The following CNTLN variants were observed in gnomAD, a reference collection of about 807,000 sequenced individuals.
CNTLN encodes centlein.
A neutral mutation model predicts 180.0 loss-of-function variants in CNTLN; 212 were observed. The ratio of observed to expected loss-of-function variants is 1.18; its 90% CI spans 1.05 to 1.32. The LOEUF (loss-of-function observed/expected upper bound fraction) is 1.32. CNTLN is among the 40% of genes most tolerant of loss of function. The pLI is 0.00. For missense variants in CNTLN, 2,095 were observed against 1,610.9 expected (o/e 1.30, Z -5.14); for synonymous variants, 722 against 563.1 (o/e 1.28, Z -3.99).
chr9:17,440,830 C>G (rs770344136), intron 18 of CNTLN, among the ~76,000 whole-genome samples: 8 of 151,922 alleles, frequency 5.3e-5, no homozygotes, highest in Non-Finnish European at 1.2e-4. Context: ...GTGGAAGAAG[C>G]TAATAATAAA....
In CNTLN at chr9:17,155,464, C is replaced by T. The variant is rs530364407; in HGVS notation, c.449+12088C>T. 3.3e-5 allele frequency among the ~76,000 whole-genome samples: 5 copies of T among 152,304 alleles called. No homozygotes were observed. The East Asian group carries it at 9.7e-4, about 30-fold the overall frequency. On this transcript the variant is annotated intron_variant, in intron 2 of 25. Transcript: ENST00000380647. The stretch of plus-strand genomic sequence containing the variant: ...TGCCTTTTTTATAGAGATGCCCTTT[C>T]CAGAGAGGAGCAATCTGGCAGTCTG...
At chr9:17,267,414 C>T (rs200127573) in intron 5 of CNTLN, among the ~76,000 whole-genome samples, 6 of 152,088 alleles carry the variant, frequency 3.9e-5, no homozygotes, top group African/African-American at 1.4e-4. Flanking sequence ...CTCCGCTGTT[C>T]GTCTGATGGG....
the CNTLN span, among the ~76,000 whole-genome samples, chr9:17,521,265 A>AGAGAGAGAGAGAG: frequency 2.6e-4 from 31 of 118,606 alleles, no homozygotes; most frequent in East Asian, 1.7e-3. Context: ...AAGGGAGAAA[A>AGAGAGAGAGAGAG]AGAGAGAGAG....
intron 18 of CNTLN, among the ~76,000 whole-genome samples, chr9:17,449,634 A>G (rs1156762001): frequency 2.0e-5 from 3 of 152,206 alleles, no homozygotes; most frequent in East Asian, 3.9e-4. Flanking sequence ...CTTGAAAGTC[A>G]ATTGTATTAG....
At chr9:17,453,691 C>CT (rs965178611) in intron 18 of CNTLN, among the ~76,000 whole-genome samples, 2 of 152,108 alleles carry the variant, frequency 1.3e-5, no homozygotes, top group African/African-American at 4.8e-5. Context: ...GCCAGGCTGC[C>CT]TTTTTTGAAA....
At chr9:17,324,583 C>A (rs1347022730) in intron 8 of CNTLN, among the ~76,000 whole-genome samples, 1 of 151,810 alleles carries the variant, frequency 6.6e-6, no homozygotes, top group Non-Finnish European at 1.5e-5. Flanking sequence ...AGAATAAATA[C>A]TTAGCTTGTG....
the CNTLN span, among the ~76,000 whole-genome samples, chr9:17,528,266 A>C: frequency 6.6e-6 from 1 of 152,232 alleles, no homozygotes; most frequent in African/African-American, 2.4e-5. Flanking sequence ...TACCTCAGCC[A>C]GCTGATCAAG....
intron 8 of CNTLN, among the ~76,000 whole-genome samples, chr9:17,326,343 G>C (rs1820292399): frequency 1.3e-5 from 2 of 151,852 alleles, no homozygotes; most frequent in African/African-American, 4.8e-5. Context: ...TGTTAGGAAG[G>C]AAAGTTAACT....
rs1563981964 is a variant in CNTLN at position 17,309,042 on chromosome 9, AT to A, written c.1147-15del. 6.6e-7 allele frequency: 1 copy of A among 1,514,538 alleles called. No individual in the cohort carries two copies. The highest frequency in any genetic ancestry group is 8.9e-7 in the Non-Finnish European group (1 of 1,124,738). The allele number at this position is 1,514,538 out of a possible 1,614,324, so 93.8% of individuals were successfully genotyped here. ...TATTGATTATTAATATAATTTGGAT[AT>A]ATTTTTTGAAACAGCTTTACAATGA... is the stretch of plus-strand genomic sequence containing the variant. On this transcript the variant is annotated splice_polypyrimidine_tract_variant and intron_variant, in intron 7 of 25. Transcript: ENST00000380647.
intron 2 of CNTLN, among the ~76,000 whole-genome samples, chr9:17,218,265 C>T (rs1823896648): frequency 1.3e-5 from 2 of 151,990 alleles, no homozygotes; most frequent in African/African-American, 4.8e-5. Context: ...ATACTTGAGC[C>T]TTTAAAACAT....
intron 8 of CNTLN, among the ~76,000 whole-genome samples, chr9:17,330,070 G>A (rs964487833): frequency 5.9e-5 from 9 of 151,982 alleles, no homozygotes; most frequent in African/African-American, 2.2e-4. Context: ...GTTAAAATGT[G>A]GAGCTTACCA....
At chr9:17,290,882 G>T (rs947363672) in intron 6 of CNTLN, among the ~76,000 whole-genome samples, 1 of 152,210 alleles carries the variant, frequency 6.6e-6, no homozygotes, top group East Asian at 1.9e-4. Context: ...CATGGTGCGT[G>T]CACCCACTGG....
intron 5 of CNTLN, among the ~76,000 whole-genome samples, chr9:17,263,614 C>T (rs1216430969): frequency 1.4e-5 from 2 of 146,966 alleles, no homozygotes; most frequent in Non-Finnish European, 3.0e-5. Flanking sequence ...TGAGGAATTG[C>T]CACACTGACT....
At chr9:17,193,300 C>G (rs1048458636) in intron 2 of CNTLN, among the ~76,000 whole-genome samples, 6 of 152,166 alleles carry the variant, frequency 3.9e-5, no homozygotes, top group Non-Finnish European at 7.3e-5. Flanking sequence ...ACCCAAAAGT[C>G]CACAGTCCAA....
chr9:17,302,447 C>T (rs1818437193), intron 7 of CNTLN, among the ~76,000 whole-genome samples: 2 of 152,182 alleles, frequency 1.3e-5, no homozygotes. Context: ...GATCCATCCG[C>T]TTCAGCCTCC....
chr9:17,476,319 A>G (rs928149022), intron 23 of CNTLN, among the ~76,000 whole-genome samples: 13 of 152,130 alleles, frequency 8.5e-5, no homozygotes, highest in African/African-American at 2.9e-4. Context: ...AGACTCAACA[A>G]TATTGCAGTT....
At chr9:17,312,343 T>TTATATA (rs1225851796) in intron 8 of CNTLN, among the ~76,000 whole-genome samples, 116 of 30,004 alleles carry the variant, frequency 3.9e-3, no homozygotes, top group Middle Eastern at 0.019. Flanking sequence ...ATTACTGTAT[T>TTATATA]TATATATATA....
At chr9:17,442,683 G>A (rs1190163003) in intron 18 of CNTLN, among the ~76,000 whole-genome samples, 1 of 152,190 alleles carries the variant, frequency 6.6e-6, no homozygotes, top group African/African-American at 2.4e-5. Context: ...ACAGGTGTAA[G>A]CCACCATGCC....
intron 18 of CNTLN, among the ~76,000 whole-genome samples, chr9:17,442,460 A>G (rs1457687033): frequency 1.3e-5 from 2 of 152,142 alleles, no homozygotes; most frequent in Non-Finnish European, 2.9e-5. Context: ...GTGCAGTGGC[A>G]TGATCTCAGC....
Sources: allele counts gnomAD v4.1 joint callset (sites outside exome capture counted in the v4.1 genomes callset), GRCh38; gene constraint gnomAD v4.1.1; transcripts MANE v1.5; gene names NCBI Gene and HGNC (gene_info 2026-07-23, HGNC 2026-07-21).